Variants in RFTN2 observed in about 807,000 individuals in gnomAD.
The protein encoded by RFTN2 is raftlin family member 2.
RFTN2 carries 34 observed loss-of-function variants against 52.7 expected under a neutral mutation model. The ratio of observed to expected loss-of-function variants is 0.64; its 90% CI spans 0.49 to 0.86. RFTN2 has a LOEUF of 0.86. Ranked by LOEUF, RFTN2 falls within the 40% of genes least tolerant of loss-of-function variation. The probability of loss-of-function intolerance (pLI) is 0.00; values close to 1 mark genes in which losing one functional copy is unlikely to be tolerated. For missense variants in RFTN2, 536 were observed against 600.1 expected (o/e 0.89, Z 1.12); for synonymous variants, 203 against 217.7 (o/e 0.93, Z 0.59).
intron 1 of RFTN2, among the ~76,000 whole-genome samples, chr2:197,668,933 A>C (rs1363368690): frequency 6.6e-6 from 1 of 152,124 alleles, no homozygotes; most frequent in Non-Finnish European, 1.5e-5. Flanking sequence ...AGGGTCTCTC[A>C]CTTAACCTTT....
In RFTN2 at chr2:197,573,040, C is replaced by T. The variant is rs989015917; in HGVS notation, c.1234-760G>A. The stretch of plus-strand genomic sequence containing the variant: ...CTTTCCTTTGTAAACTACACAGTCT[C>T]GGGTATGTCTTTATTAGCAGGATGA... On this transcript the variant is annotated intron_variant, in intron 8 of 8. Coordinates refer to ENST00000295049, the MANE Select transcript of RFTN2 (RefSeq NM_144629.3). Among the ~76,000 whole-genome samples, 22 of 142,656 alleles carry T rather than the reference C, an allele frequency of 1.5e-4. No individual in the cohort carries two copies. In the Middle Eastern group the frequency reaches 0.011, roughly 70 times the overall value. 93.6% of individuals were successfully genotyped at this position (142,656 alleles called of 152,430 possible). A position where few individuals can be genotyped will look rare whatever the true frequency, so the allele number is the denominator to read the frequency against.
At chr2:197,645,631 A>T (rs2088736892) in intron 2 of RFTN2, among the ~76,000 whole-genome samples, 1 of 152,270 alleles carries the variant, frequency 6.6e-6, no homozygotes, top group South Asian at 2.1e-4. Context: ...AATAAAAAAC[A>T]CTACAATGGT....
intron 5 of RFTN2, among the ~76,000 whole-genome samples, chr2:197,620,057 T>C (rs2088236232): frequency 6.6e-6 from 1 of 151,926 alleles, no homozygotes; most frequent in Non-Finnish European, 1.5e-5. Flanking sequence ...GCATGTTAAT[T>C]ATAACCATTA....
chr2:197,619,751 A>AT (rs2088227244), intron 5 of RFTN2, among the ~76,000 whole-genome samples: 1 of 143,770 alleles, frequency 7.0e-6, no homozygotes, highest in Non-Finnish European at 1.5e-5. Context: ...AAAAAAAAAA[A>AT]ATAATAATAA....
At chr2:197,638,807 G>A (rs1272241560) in intron 3 of RFTN2, among the ~76,000 whole-genome samples, 17 of 131,612 alleles carry the variant, frequency 1.3e-4, no homozygotes, top group Admixed American at 2.3e-4. Flanking sequence ...TATTTTGCTC[G>A]TTAGTTGATG....
In RFTN2 at chr2:197,568,886, A is replaced by G. The variant is rs1315158963; in HGVS notation, c.*3122T>C. The G allele has an allele frequency of 6.6e-6, 1 of 152,196 alleles. No individual in the cohort carries two copies. Among genetic ancestry groups the G allele is most frequent in the Admixed American group, 6.5e-5 (1 of 15,280 alleles). The allele number at this position is 152,196 out of a possible 1,614,324, so 9.4% of individuals were successfully genotyped here. A position where few individuals can be genotyped will look rare whatever the true frequency, so the allele number is the denominator to read the frequency against. On this transcript the variant is annotated 3_prime_UTR_variant, in exon 9 of 9. Coordinates refer to ENST00000295049, the MANE Select transcript of RFTN2 (RefSeq NM_144629.3). ...CTGTTACATTTATATTCAAATATATAAACACCTGCTCCTGATAACACAAAT... is the reference window on the plus strand; with the variant it reads ...CTGTTACATTTATATTCAAATATATGAACACCTGCTCCTGATAACACAAAT...
intron 7 of RFTN2, among the ~76,000 whole-genome samples, chr2:197,605,376 C>T (rs1011779806): frequency 1.3e-5 from 2 of 151,934 alleles, no homozygotes; most frequent in African/African-American, 2.4e-5. Context: ...CCACCACGCC[C>T]GGCTAATTTT....
At chr2:197,651,363 A>G (rs766871598) in intron 1 of RFTN2, among the ~76,000 whole-genome samples, 8 of 152,226 alleles carry the variant, frequency 5.3e-5, no homozygotes, top group Non-Finnish European at 1.0e-4. Flanking sequence ...TCACGCCCGT[A>G]ATCCCAGCAA....
At chr2:197,612,376 A>C (rs1458994643) in intron 7 of RFTN2, among the ~76,000 whole-genome samples, 2 of 152,172 alleles carry the variant, frequency 1.3e-5, no homozygotes, top group African/African-American at 4.8e-5. Flanking sequence ...TACAATGCAC[A>C]TTCCTGCCCA....
chr2:197,642,553 C>T (rs1574736477), intron 3 of RFTN2, among the ~76,000 whole-genome samples: 1 of 152,188 alleles, frequency 6.6e-6, no homozygotes, highest in Non-Finnish European at 1.5e-5. Context: ...CCATCATTGT[C>T]TTTTTCAAAG....
intron 5 of RFTN2, among the ~76,000 whole-genome samples, chr2:197,630,386 C>T (rs1038244004): frequency 6.6e-6 from 1 of 151,536 alleles, no homozygotes; most frequent in African/African-American, 2.4e-5. Flanking sequence ...TTTTTTTAAC[C>T]CTCATCTCTT....
Position 197,615,858 on chromosome 2 carries a change from A to C in RFTN2, c.1154+18T>G. ...TATTAGAATTAAATGATAGTATGTA[A>C]GGATACTTTTGCCTTACCTGTCATG... On this transcript the variant is annotated intron_variant, in intron 7 of 8. Transcript: ENST00000295049. The C allele has an allele frequency of 7.8e-7, 1 of 1,287,262 alleles. No individual in the cohort carries two copies. Among genetic ancestry groups the C allele is most frequent in the Non-Finnish European group, 1.1e-6 (1 of 908,266 alleles). The allele number at this position is 1,287,262 out of a possible 1,614,324, so 79.7% of individuals were successfully genotyped here. A position where few individuals can be genotyped will look rare whatever the true frequency, so the allele number is the denominator to read the frequency against.
At chr2:197,572,324 G>T (rs781235396) in intron 8 of RFTN2, 44 bp from the exon 9 acceptor site, 1 of 1,590,568 alleles carries the variant, frequency 6.3e-7, no homozygotes, top group Admixed American at 1.7e-5. Flanking sequence ...AAAAAGATGG[G>T]TGTTTCCTGT....
intron 8 of RFTN2, among the ~76,000 whole-genome samples, chr2:197,581,544 C>T (rs1341310530): frequency 6.6e-6 from 1 of 152,170 alleles, no homozygotes; most frequent in East Asian, 1.9e-4. Context: ...CCCTCCACTT[C>T]TCACCTTATT....
intron 8 of RFTN2, among the ~76,000 whole-genome samples, chr2:197,576,973 C>G (rs2087429829): frequency 6.6e-6 from 1 of 152,244 alleles, no homozygotes; most frequent in African/African-American, 2.4e-5. Context: ...ATTTACCCCT[C>G]TGCTCACTGA....
At chr2:197,573,275 G>T (rs550563914) in intron 8 of RFTN2, among the ~76,000 whole-genome samples, 1 of 152,320 alleles carries the variant, frequency 6.6e-6, no homozygotes, top group Non-Finnish European at 1.5e-5. Flanking sequence ...TGCTTATAGT[G>T]ATATGGACAG....
At chr2:197,669,000 T>C (rs2089103664) in intron 1 of RFTN2, among the ~76,000 whole-genome samples, 1 of 152,210 alleles carries the variant, frequency 6.6e-6, no homozygotes, top group African/African-American at 2.4e-5. Context: ...ACAGGCTGCC[T>C]CACTTCCTTC....
chr2:197,599,059 T>C (rs1341039149), intron 7 of RFTN2, among the ~76,000 whole-genome samples: 1 of 151,852 alleles, frequency 6.6e-6, no homozygotes, highest in South Asian at 2.1e-4. Flanking sequence ...TCACGCCATT[T>C]TCCTACCTCA....
Position 197,572,158 on chromosome 2 carries a change from A to C in RFTN2, c.1356T>G (p.Leu452=). 1 of 1,614,212 alleles carries C rather than the reference A, an allele frequency of 6.2e-7. No homozygotes were observed. Residue 452 remains leucine, a synonymous_variant, in exon 9 of 9, where the codon CTT becomes CTG. Transcript: ENST00000295049. ...TTGTCCAGCATTCCCGGGAGGGAGAAAGGCGGCACTCCTCAGGCAGGTGTC... is the reference window on the plus strand; with the variant it reads ...TTGTCCAGCATTCCCGGGAGGGAGACAGGCGGCACTCCTCAGGCAGGTGTC... ...ESRHLPEECR[L]SPSRECWTKE...
Sources: allele counts gnomAD v4.1 joint callset (sites outside exome capture counted in the v4.1 genomes callset), GRCh38; gene constraint gnomAD v4.1.1; transcripts MANE v1.5; gene names NCBI Gene and HGNC (gene_info 2026-07-23, HGNC 2026-07-21).